ZDHHC11B: variants seen among roughly 807,000 people sequenced by gnomAD.
ZDHHC11B encodes probable palmitoyltransferase ZDHHC11B.
ZDHHC11B carries 17 observed loss-of-function variants against 42.3 expected under a neutral mutation model. The ratio of observed to expected loss-of-function variants is 0.40; its 90% confidence interval spans 0.27 to 0.60. The LOEUF (loss-of-function observed/expected upper bound fraction) is 0.60. ZDHHC11B is among the 20% of genes least tolerant of loss of function. The pLI, the probability that ZDHHC11B is intolerant of heterozygous loss-of-function variation, is 0.41. For synonymous variants in ZDHHC11B, 123 were observed against 193.5 expected (o/e 0.64, Z 3.02); for missense variants, 262 against 463.2 (o/e 0.57, Z 3.99).
In ZDHHC11B at chr5:783,907, G is replaced by A. The variant is rs1737061354; in HGVS notation, c.-230+761C>T. Among the ~76,000 whole-genome samples, 2 of 148,476 alleles carry A rather than the reference G, an allele frequency of 1.3e-5. 1 individual carries two copies. Among genetic ancestry groups the A allele is most frequent in the Non-Finnish European group, 3.0e-5 (2 of 66,858 alleles). Reference sequence around the variant, plus strand: ...CCCCTAAACGCTTATCAAAACAGCAGCCCCGCCACTGCCCGGGAGGGACAG... The same window carrying A: ...CCCCTAAACGCTTATCAAAACAGCAACCCCGCCACTGCCCGGGAGGGACAG... On this transcript the variant is annotated intron_variant, in intron 1 of 13. Transcript: ENST00000508859.
At chr5:756,916 G>C (rs59825313) in intron 4 of ZDHHC11B, among the ~76,000 whole-genome samples, 7,970 of 147,776 alleles carry the variant, frequency 0.054, 34 homozygotes, top group East Asian at 0.12. Flanking sequence ...CTCTCAGGGA[G>C]CCCAGACTCA....
intron 4 of ZDHHC11B, among the ~76,000 whole-genome samples, chr5:759,947 C>T (rs1469248559): frequency 3.9e-5 from 6 of 151,914 alleles, no homozygotes; most frequent in Non-Finnish European, 7.4e-5. Context: ...GAGGTGCAGG[C>T]ATGGGGAGTG....
chr5:761,324 C>T (rs1458997030), intron 4 of ZDHHC11B, among the ~76,000 whole-genome samples: 5 of 151,820 alleles, frequency 3.3e-5, no homozygotes, highest in South Asian at 2.1e-4. Context: ...GCAGGACACC[C>T]GGGGCCAATG....
intron 4 of ZDHHC11B, among the ~76,000 whole-genome samples, chr5:757,006 C>A (rs1259623291): frequency 6.6e-6 from 1 of 151,772 alleles, no homozygotes; most frequent in African/African-American, 2.4e-5. Flanking sequence ...GGGTCCTTGT[C>A]CCCTGGAGCC....
chr5:756,858 C>T lies in ZDHHC11B; in HGVS notation c.223-714G>A. On this transcript the variant is annotated intron_variant, in intron 4 of 13. Transcript: ENST00000508859. ...CCCCGAGACTTGCTCAGGGAAACAC[C>T]CCCTAGACTCATTCAGGGACCCCAG... 1.3e-5 allele frequency among the ~76,000 whole-genome samples: 2 copies of T among 151,632 alleles called. 1 individual carries two copies. Among genetic ancestry groups the T allele is most frequent in the Non-Finnish European group, 2.9e-5 (2 of 67,830 alleles).
chr5:771,128 G>A (rs1287708075), intron 1 of ZDHHC11B, among the ~76,000 whole-genome samples: 4 of 151,890 alleles, frequency 2.6e-5, no homozygotes, highest in African/African-American at 9.7e-5. Context: ...GCCGGTGGGA[G>A]GGTCCGTGCC....
Position 713,212 on chromosome 5 carries a change from G to T in ZDHHC11B, c.*8-930C>A, listed in dbSNP as rs415266. 6.3e-4 allele frequency among the ~76,000 whole-genome samples: 96 copies of T among 151,676 alleles called. 2 individuals carry two copies. Among genetic ancestry groups the T allele is most frequent in the Admixed American group, 7.9e-4 (12 of 15,186 alleles). On this transcript the variant is annotated intron_variant, in intron 13 of 13. Coordinates refer to ENST00000508859, the MANE Select transcript of ZDHHC11B (RefSeq NM_001351303.2). ...TGTCACTTTGTATCTATTTCAGTAA[G>T]TTCTTCAGCTCTAGATTCTAGTTCC...
chr5:761,089 G>A (rs941604181), intron 4 of ZDHHC11B, among the ~76,000 whole-genome samples: 29 of 151,952 alleles, frequency 1.9e-4, no homozygotes, highest in South Asian at 1.3e-3. Context: ...AACCTCGGCC[G>A]GATTCTGGAT....
chr5:747,667 G>A (rs1745010295), intron 8 of ZDHHC11B: 1 of 163,696 alleles, frequency 6.1e-6, no homozygotes, highest in African/African-American at 2.4e-5. Context: ...CGTTGGCCAA[G>A]CTGTCAGGAG....
chr5:746,329 A>T lies in ZDHHC11B; in HGVS notation c.785-1031T>A, dbSNP rs544986341. Among the ~76,000 whole-genome samples, 55 of 147,394 alleles carry T rather than the reference A, an allele frequency of 3.7e-4. 1 individual carries two copies. The highest frequency in any genetic ancestry group is 1.2e-3 in the African/African-American group (48 of 40,690). On this transcript the variant is annotated intron_variant, in intron 8 of 13. Coordinates refer to ENST00000508859, the MANE Select transcript of ZDHHC11B (RefSeq NM_001351303.2). ...CTGTGGCCAGCCCAGCCCTCACAGG[A>T]TGCGTCTCACCACAGCCCCTCCAGT...
intron 12 of ZDHHC11B, among the ~76,000 whole-genome samples, chr5:718,447 G>A (rs1475248195): frequency 1.4e-3 from 215 of 151,756 alleles, no homozygotes; most frequent in African/African-American, 4.8e-3. Context: ...GCTGAGGTGG[G>A]TGGATCACGA....
chr5:779,762 G>T (rs1341166237), intron 1 of ZDHHC11B, among the ~76,000 whole-genome samples: 1 of 152,114 alleles, frequency 6.6e-6, no homozygotes, highest in East Asian at 1.9e-4. Flanking sequence ...GCCTTGCCCT[G>T]CAGGAAAAGA....
chr5:730,615 G>A, intron 11 of ZDHHC11B, 147 bp from the exon 12 acceptor site: 1 of 917,982 alleles, frequency 1.1e-6, no homozygotes, highest in Non-Finnish European at 1.5e-6. Flanking sequence ...TAGGATCTCA[G>A]TGGTGGCACA....
chr5:730,442 A>T lies in ZDHHC11B; in HGVS notation c.1050T>A (p.Ser350=). ...AQEADDAPST[S]TLGLQQETTE... ...TAAACTTACGAACTTACCCAAGTGT[A>T]GATGTACTCGGGGCATCATCTGCTT... is the stretch of plus-strand genomic sequence containing the variant. The change falls in exon 12 of 14, where the codon TCT becomes TCA. Residue 350 remains serine, a synonymous_variant. Transcript: ENST00000508859. 1 of 1,578,070 alleles carries T rather than the reference A, an allele frequency of 6.3e-7. No homozygotes were observed. Among genetic ancestry groups the T allele is most frequent in the East Asian group, 2.4e-5 (1 of 42,296 alleles).
intron 1 of ZDHHC11B, among the ~76,000 whole-genome samples, chr5:779,964 A>C (rs1242035494): frequency 2.0e-5 from 3 of 146,756 alleles, no homozygotes; most frequent in Admixed American, 1.4e-4. Context: ...TGACTTGAAC[A>C]GGCCCCTCGG....
intron 1 of ZDHHC11B, among the ~76,000 whole-genome samples, chr5:783,886 T>C (rs1264506814): frequency 2.8e-5 from 3 of 106,440 alleles, no homozygotes; most frequent in Non-Finnish European, 5.7e-5. Context: ...GCAGCCCCCC[T>C]AAACGCTTAT....
chr5:781,017 C>T (rs1390420956), intron 1 of ZDHHC11B, among the ~76,000 whole-genome samples: 16 of 147,330 alleles, frequency 1.1e-4, no homozygotes, highest in Non-Finnish European at 1.8e-4. Flanking sequence ...GGTCAGGTCC[C>T]CGGGGCTGGC....
intron 12 of ZDHHC11B, among the ~76,000 whole-genome samples, chr5:722,428 G>C (rs1485298138): frequency 6.6e-6 from 1 of 151,448 alleles, no homozygotes; most frequent in African/African-American, 2.4e-5. Context: ...GAGAAAACTC[G>C]TATGACTCAC....
At chr5:750,291 G>T (rs1182170047) in intron 7 of ZDHHC11B, among the ~76,000 whole-genome samples, 1 of 130,486 alleles carries the variant, frequency 7.7e-6, no homozygotes, top group African/African-American at 2.8e-5. Context: ...GGGCTCTGAC[G>T]TCCAGCTGCA....
Sources: allele counts gnomAD v4.1 joint callset (sites outside exome capture counted in the v4.1 genomes callset), GRCh38; gene constraint gnomAD v4.1.1; transcripts MANE v1.5; gene names NCBI Gene and HGNC (gene_info 2026-07-23, HGNC 2026-07-21).